RORB: variants seen among roughly 807,000 people sequenced by gnomAD.
RORB encodes the protein RAR related orphan receptor B, also known as nuclear receptor ROR-beta.
RORB carries 6 observed loss-of-function variants against 59.1 expected under a neutral mutation model. That is an observed-to-expected ratio of 0.10 (90% confidence interval 0.06 to 0.20). The LOEUF (loss-of-function observed/expected upper bound fraction) is 0.20, where lower values mean the gene tolerates loss of function less well. Ranked by LOEUF, RORB falls within the 10% of genes least tolerant of loss-of-function variation. The probability of loss-of-function intolerance (pLI) is 1.00; values close to 1 mark genes in which losing one functional copy is unlikely to be tolerated. For synonymous variants in RORB, 215 were observed against 204.5 expected (o/e 1.05, Z -0.44); for missense variants, 320 against 560.5 (o/e 0.57, Z 4.33).
rs546165119 is a variant in RORB, at chr9:74,667,993, G to T, written c.1111+92G>T. 6.3e-4 allele frequency: 486 copies of T among 774,724 alleles called. 2 individuals are homozygous for T. In the African/African-American group the frequency reaches 7.5e-3, roughly 12 times the overall value. The allele number at this position is 774,724 out of a possible 1,614,324, so 48.0% of individuals were successfully genotyped here. A position where few individuals can be genotyped will look rare whatever the true frequency, so the allele number is the denominator to read the frequency against. The stretch of plus-strand genomic sequence containing the variant: ...CCTGCCTAAGCCAAAGTGTTCAGGA[G>T]AAACTTTAACAGAGCTATATTTTCT... On this transcript the variant is annotated intron_variant, in intron 8 of 9. Transcript: ENST00000376896.
rs1051351561 is a variant in RORB at position 74,546,866 on chromosome 9, T to C, written c.7+48883T>C. ...GACAATGAGAGTGAAGACAGAAGAATATCAGGATCAAAATTTGGGAGTTTG... is the reference window on the plus strand; with the variant it reads ...GACAATGAGAGTGAAGACAGAAGAACATCAGGATCAAAATTTGGGAGTTTG... On this transcript the variant is annotated intron_variant, in intron 1 of 9. Coordinates refer to ENST00000376896, the MANE Select transcript of RORB (RefSeq NM_006914.4). 5.3e-5 allele frequency among the ~76,000 whole-genome samples: 8 copies of C among 152,124 alleles called. 1 individual carries two copies. Among genetic ancestry groups the C allele is most frequent in the Non-Finnish European group, 1.2e-4 (8 of 68,006 alleles).
intron 4 of RORB, among the ~76,000 whole-genome samples, chr9:74,656,657 A>G (rs1166524328): frequency 6.6e-6 from 1 of 152,162 alleles, no homozygotes; most frequent in African/African-American, 2.4e-5. Flanking sequence ...AATCACTTCA[A>G]TCCGAGAAGT....
rs200437190 is a variant in RORB, at chr9:74,642,427, G to A, written c.249G>A (p.Gly83=). 88 of 1,609,838 alleles carry A rather than the reference G, an allele frequency of 5.5e-5. No homozygotes were observed. In the East Asian group the frequency reaches 1.4e-3, roughly 25 times the overall value. ...LGMSRDAVKF[G]RMSKKQRDSL... ...TCTCCAACCCAGCTGTGAAGTTTGG[G>A]AGGATGTCCAAGAAGCAAAGGGACA... The change falls in exon 4 of 10, where the codon GGG becomes GGA. Residue 83 remains glycine (G), a synonymous_variant. Coordinates refer to ENST00000376896, the MANE Select transcript of RORB (RefSeq NM_006914.4).
At chr9:74,614,494 GA>G (rs1823279073) in intron 1 of RORB, among the ~76,000 whole-genome samples, 2 of 152,012 alleles carry the variant, frequency 1.3e-5, no homozygotes, top group South Asian at 4.2e-4. Context: ...TGAGATGATG[GA>G]TATGTTAATT....
intron 1 of RORB, among the ~76,000 whole-genome samples, chr9:74,628,765 T>C (rs1460760812): frequency 6.6e-6 from 1 of 152,222 alleles, no homozygotes; most frequent in Non-Finnish European, 1.5e-5. Flanking sequence ...TTTTAAATTG[T>C]AAGAGGAAAT....
chr9:74,628,713 G>C (rs142813793), intron 1 of RORB, among the ~76,000 whole-genome samples: 7 of 152,312 alleles, frequency 4.6e-5, no homozygotes, highest in African/African-American at 7.2e-5. Flanking sequence ...CCAAGTGGCA[G>C]ATTGATATAC....
intron 1 of RORB, among the ~76,000 whole-genome samples, chr9:74,591,204 GT>G (rs766846251): frequency 1.2e-3 from 182 of 152,270 alleles, no homozygotes; most frequent in East Asian, 3.3e-3. Flanking sequence ...TTCTAGTTGA[GT>G]TTTTGTAAAA....
chr9:74,528,444 A>G (rs1826188702), intron 1 of RORB, among the ~76,000 whole-genome samples: 1 of 152,000 alleles, frequency 6.6e-6, no homozygotes, highest in Non-Finnish European at 1.5e-5. Context: ...GGCGGTGGGA[A>G]AAGCAGCAGC....
rs185834725 is a variant in RORB, at chr9:74,546,228, G to A, written c.7+48245G>A. Among the ~76,000 whole-genome samples, 3 of 152,330 alleles carry A rather than the reference G, an allele frequency of 2.0e-5. No individual in the cohort carries two copies. In the East Asian group the frequency reaches 5.8e-4, roughly 29 times the overall value. On this transcript the variant is annotated intron_variant, in intron 1 of 9. Coordinates refer to ENST00000376896, the MANE Select transcript of RORB (RefSeq NM_006914.4). Reference sequence around the variant, plus strand: ...CGGAGGTTCCCGTGGGAAAATGGTAGAAATCTGGGTTTACCACTTGAAAGG... The same window carrying A: ...CGGAGGTTCCCGTGGGAAAATGGTAAAAATCTGGGTTTACCACTTGAAAGG...
chr9:74,597,588 A>G (rs371227579), intron 1 of RORB, among the ~76,000 whole-genome samples: 4 of 152,280 alleles, frequency 2.6e-5, no homozygotes, highest in East Asian at 1.9e-4. Context: ...AAATGAAAAC[A>G]AATTGAGATG....
intron 1 of RORB, among the ~76,000 whole-genome samples, chr9:74,558,429 C>T (rs1170752615): frequency 1.3e-5 from 2 of 152,146 alleles, no homozygotes; most frequent in African/African-American, 4.8e-5. Flanking sequence ...TAACTTAGTT[C>T]TCCTTCCCAT....
chr9:74,538,592 TATTA>T (rs900882131), intron 1 of RORB, among the ~76,000 whole-genome samples: 4 of 152,082 alleles, frequency 2.6e-5, no homozygotes, highest in East Asian at 1.9e-4. Context: ...TATTAGCAAT[TATTA>T]ATTAATCAAT....
chr9:74,558,410 C>T (rs1822340353), intron 1 of RORB, among the ~76,000 whole-genome samples: 1 of 152,166 alleles, frequency 6.6e-6, no homozygotes. Flanking sequence ...CCCTCTTTCA[C>T]TACCTTTTTA....
At chr9:74,616,287 A>T (rs1320018993) in intron 1 of RORB, among the ~76,000 whole-genome samples, 1 of 152,206 alleles carries the variant, frequency 6.6e-6, no homozygotes, top group African/African-American at 2.4e-5. Context: ...AGTACTAGAT[A>T]GCAATGCACA....
chr9:74,653,146 G>T (rs957491995), intron 4 of RORB, among the ~76,000 whole-genome samples: 4 of 152,100 alleles, frequency 2.6e-5, no homozygotes, highest in Admixed American at 2.0e-4. Flanking sequence ...GTGTGCATTT[G>T]GTTAAATGTT....
Position 74,692,063 on chromosome 9 carries a change from G to A in RORB, c.*6445G>A, listed in dbSNP as rs1824748240. Reference sequence around the variant, plus strand: ...AGGAAAACAAACTCCGCTTTCTGATGAACAAGATATTTTTGTACACATTTA... The same window carrying A: ...AGGAAAACAAACTCCGCTTTCTGATAAACAAGATATTTTTGTACACATTTA... On this transcript the variant is annotated 3_prime_UTR_variant, in exon 10 of 10. Coordinates refer to ENST00000376896, the MANE Select transcript of RORB (RefSeq NM_006914.4). The A allele has an allele frequency of 6.6e-6, 1 of 152,206 alleles. No homozygotes were observed. Among genetic ancestry groups the A allele is most frequent in the South Asian group, 2.1e-4 (1 of 4,832 alleles). 9.4% of individuals were successfully genotyped at this position (152,206 alleles called of 1,614,324 possible).
chr9:74,600,839 G>GACT (rs1217075775), intron 1 of RORB, among the ~76,000 whole-genome samples: 1 of 152,096 alleles, frequency 6.6e-6, no homozygotes, highest in Non-Finnish European at 1.5e-5. Flanking sequence ...GAAATCTACA[G>GACT]ACTACTTCTA....
At chr9:74,521,410 TC>T (rs1272316669) in intron 1 of RORB, among the ~76,000 whole-genome samples, 1 of 151,780 alleles carries the variant, frequency 6.6e-6, no homozygotes, top group Non-Finnish European at 1.5e-5. Flanking sequence ...GCTGGATAAA[TC>T]AGGGGGCCAT....
chr9:74,590,753 A>G (rs1822875628), intron 1 of RORB, among the ~76,000 whole-genome samples: 1 of 152,066 alleles, frequency 6.6e-6, no homozygotes, highest in Non-Finnish European at 1.5e-5. Context: ...CACTTCAAAA[A>G]TCTTCCTAAT....
Sources: gnomAD v4.1 joint callset for allele counts (sites outside exome capture counted in the v4.1 genomes callset) on GRCh38, gnomAD v4.1.1 for gene constraint, MANE v1.5 for transcripts, NCBI Gene and HGNC (gene_info 2026-07-23, HGNC 2026-07-21) for gene names.